NOLC1: variants seen among roughly 807,000 people sequenced by gnomAD.
NOLC1 encodes 140 kDa nucleolar phosphoprotein.
Under a neutral mutation model 73.4 loss-of-function variants are expected in NOLC1, and 37 were observed. The observed-to-expected ratio is 0.50, with a 90% confidence interval of 0.39 to 0.66. The LOEUF (loss-of-function observed/expected upper bound fraction) is 0.66. Among genes scored for constraint, NOLC1 ranks in the 30% least tolerant of loss-of-function variants. The probability of loss-of-function intolerance (pLI) is 0.00; values close to 1 mark genes in which losing one functional copy is unlikely to be tolerated. For synonymous variants in NOLC1, 327 were observed against 302.6 expected, an observed-to-expected ratio of 1.08 and a Z score of -0.84; for missense variants, 921 against 838.9, an observed-to-expected ratio of 1.10 and a Z score of -1.21.
At chr10:102,156,991 T>G (rs1450896654) in intron 1 of NOLC1, 28 bp from the exon 2 acceptor site, 2 of 1,609,912 alleles carry the variant, frequency 1.2e-6, no homozygotes, top group Non-Finnish European at 1.7e-6. Context: ...TAAAATAATT[T>G]CCTTACCCAG....
At position 102,160,691 on chromosome 10, in the gene NOLC1, C is replaced by G. The variant is rs2069690557; in HGVS notation, c.1339C>G (p.Pro447Ala). Reference protein sequence around the residue: ...KTKKMVATTKPKATAKAALSL... With the variant: ...KTKKMVATTKAKATAKAALSL... The stretch of plus-strand genomic sequence containing the variant: ...AAAGAAGATGGTGGCCACCACTAAG[C>G]CCAAGGCGACTGCCAAAGCAGCTCT... The change falls in exon 10 of 13, where the codon CCC (proline) becomes GCC (alanine). Residue 447 changes from proline to alanine, a missense_variant. Transcript: ENST00000605788. 6.2e-7 allele frequency: 1 copy of G among 1,613,894 alleles called. No homozygotes were observed. The highest frequency in any genetic ancestry group is 1.1e-5 in the South Asian group (1 of 91,084).
At chr10:102,157,600 A>G (rs749193713) in intron 4 of NOLC1, 45 bp downstream of exon 4, 20 of 1,589,968 alleles carry the variant, frequency 1.3e-5, no homozygotes, top group Non-Finnish European at 1.5e-5. Flanking sequence ...ATTAGAAAGG[A>G]AGAAACCTAA....
In NOLC1 at chr10:102,159,434, CTG is replaced by C; in HGVS notation, c.727_728del (p.Val243ThrfsTer2). 5 of 1,614,162 alleles carry C rather than the reference CTG, an allele frequency of 3.1e-6. No homozygotes were observed. Among genetic ancestry groups the C allele is most frequent in the Non-Finnish European group, 4.2e-6 (5 of 1,180,028 alleles). ...TAATCAATTTTCTTTCTAATGCAGA[CTG>C]TACCTAAAAAGCAAGTTGTGGCCAA... is the stretch of plus-strand genomic sequence containing the variant. On this transcript the variant is annotated frameshift_variant and splice_region_variant, in exon 7 of 13. Coordinates refer to ENST00000605788, the MANE Select transcript of NOLC1 (RefSeq NM_004741.5). LOFTEE classifies it high-confidence loss of function.
intron 1 of NOLC1, among the ~76,000 whole-genome samples, chr10:102,153,544 G>T (rs1008375967): frequency 6.6e-6 from 1 of 152,216 alleles, no homozygotes; most frequent in African/African-American, 2.4e-5. Flanking sequence ...ACTTCCTTAA[G>T]CTGGGACAGG....
rs2069750671 is a variant in NOLC1, at chr10:102,163,783, C to T, written c.*1514C>T. Reference sequence around the variant, plus strand: ...TAACTGCCTCTAGGAAGAAAATGTACTGTTCATGCTGACACAGATATTTCA... The same window carrying T: ...TAACTGCCTCTAGGAAGAAAATGTATTGTTCATGCTGACACAGATATTTCA... On this transcript the variant is annotated 3_prime_UTR_variant, in exon 13 of 13. Coordinates refer to ENST00000605788, the MANE Select transcript of NOLC1 (RefSeq NM_004741.5). 6.6e-6 allele frequency: 1 copy of T among 152,194 alleles called. No homozygotes were observed. The highest frequency in any genetic ancestry group is 2.1e-4 in the South Asian group (1 of 4,834). 9.4% of individuals were successfully genotyped at this position (152,194 alleles called of 1,614,324 possible).
intron 5 of NOLC1, among the ~76,000 whole-genome samples, 176 bp downstream of exon 5, chr10:102,158,390 C>A (rs1441139519): frequency 3.3e-5 from 5 of 151,460 alleles, no homozygotes; most frequent in Non-Finnish European, 7.4e-5. Context: ...TTCATAGGAG[C>A]TAGTAAATAG....
In NOLC1 at chr10:102,157,681, CTGGG is replaced by C. The variant is rs2069622593; in HGVS notation, c.441+127_441+130del. 9.3e-6 allele frequency: 11 copies of C among 1,176,892 alleles called. No individual in the cohort carries two copies. In the Admixed American group the frequency reaches 2.0e-4, roughly 21 times the overall value. 72.9% of individuals were successfully genotyped at this position (1,176,892 alleles called of 1,614,324 possible). On this transcript the variant is annotated intron_variant, in intron 4 of 12. Transcript: ENST00000605788. ...AATAGGTGATTATGAGGAAGAAAATCTGGGGATTTTCAGGGAGCTGATAAAAGTA... is the reference window on the plus strand; with the variant it reads ...AATAGGTGATTATGAGGAAGAAAATCGATTTTCAGGGAGCTGATAAAAGTA...
At chr10:102,161,726 T>A in intron 11 of NOLC1, 64 bp downstream of exon 11, 1 of 1,545,096 alleles carries the variant, frequency 6.5e-7, no homozygotes, top group South Asian at 1.1e-5. Flanking sequence ...TAGGATCATC[T>A]TGACAGCTCT....
In NOLC1 at chr10:102,160,702, T is replaced by G; in HGVS notation, c.1350T>G (p.Thr450=). ...KMVATTKPKA[T]AKAALSLPAK... is the part of the protein sequence containing the mutation. ...TGGCCACCACTAAGCCCAAGGCGACTGCCAAAGCAGCTCTATCTCTGCCTG... is the reference window on the plus strand; with the variant it reads ...TGGCCACCACTAAGCCCAAGGCGACGGCCAAAGCAGCTCTATCTCTGCCTG... Residue 450 remains threonine (T), a synonymous_variant, in exon 10 of 13, where the codon ACT becomes ACG. Coordinates refer to ENST00000605788, the MANE Select transcript of NOLC1 (RefSeq NM_004741.5). The G allele has an allele frequency of 6.2e-7, 1 of 1,614,036 alleles. No individual in the cohort carries two copies.
chr10:102,157,525 TGAG>T lies in NOLC1; in HGVS notation c.417_419del (p.Glu139del). 6.2e-7 allele frequency: 1 copy of T among 1,613,960 alleles called. No homozygotes were observed. Among genetic ancestry groups the T allele is most frequent in the Non-Finnish European group, 8.5e-7 (1 of 1,179,994 alleles). ...GTGAAGAGTCCAGTGATGATGATGA[TGAG>T]GAGGACCAAAAGAAACAGCCTGTCC... On this transcript the variant is annotated inframe_deletion, in exon 4 of 13. Coordinates refer to ENST00000605788, the MANE Select transcript of NOLC1 (RefSeq NM_004741.5).
At position 102,161,105 on chromosome 10, in the gene NOLC1, A is replaced by G. The variant is rs202023394; in HGVS notation, c.1741+12A>G. 38 of 1,589,382 alleles carry G rather than the reference A, an allele frequency of 2.4e-5. No individual in the cohort carries two copies. Among genetic ancestry groups the G allele is most frequent in the South Asian group, 1.5e-4 (13 of 88,534 alleles). ...AGTTTCCAAATCAGGTCTGTACCCA[A>G]TGAACATGCCCTCTGGGTTTTGTCC... On this transcript the variant is annotated intron_variant, in intron 10 of 12. Coordinates refer to ENST00000605788, the MANE Select transcript of NOLC1 (RefSeq NM_004741.5).
At chr10:102,161,783 A>G in intron 11 of NOLC1, 50 bp from the exon 12 acceptor site, 1 of 1,575,120 alleles carries the variant, frequency 6.3e-7, no homozygotes, top group Non-Finnish European at 8.7e-7. Context: ...ACTCAGGAGA[A>G]CTGTTACATG....
At chr10:102,154,069 A>ATTT (rs58538934) in intron 1 of NOLC1, among the ~76,000 whole-genome samples, 3 of 116,440 alleles carry the variant, frequency 2.6e-5, no homozygotes, top group East Asian at 2.8e-4. Flanking sequence ...CATGCATTTA[A>ATTT]TTTTTTTTTT....
In NOLC1 at chr10:102,159,939, G is replaced by A; in HGVS notation, c.903G>A (p.Lys301=). ...SVPPPSAPPP[K]KSLGTQPPKK... ...CCCCGCCTTCTGCTCCCCCACCAAA[G>A]AAGTCTCTGGGAACCCAGCCTCCCA... Residue 301 remains lysine, a synonymous_variant, in exon 8 of 13, where the codon AAG becomes AAA. Transcript: ENST00000605788. 6.2e-7 allele frequency: 1 copy of A among 1,609,548 alleles called. No homozygotes were observed. The highest frequency in any genetic ancestry group is 8.5e-7 in the Non-Finnish European group (1 of 1,177,920).
At position 102,155,505 on chromosome 10, in the gene NOLC1, C is replaced by T. The variant is rs558176154; in HGVS notation, c.121-1514C>T. On this transcript the variant is annotated intron_variant, in intron 1 of 12. Transcript: ENST00000605788. ...GCCAAAGTGTTAGCGTACCTGCGCC[C>T]GGCCTGAATGCATTTTTTTTTTTTT... is the stretch of plus-strand genomic sequence containing the variant. Among the ~76,000 whole-genome samples the T allele has an allele frequency of 6.6e-5, 10 of 150,506 alleles. No homozygotes were observed. The East Asian group carries it at 1.6e-3, about 24-fold the overall frequency.
In NOLC1 at chr10:102,163,365, T is replaced by C. The variant is rs1440467091; in HGVS notation, c.*1096T>C. The C allele has an allele frequency of 6.6e-6, 1 of 152,210 alleles. No individual in the cohort carries two copies. Among genetic ancestry groups the C allele is most frequent in the Non-Finnish European group, 1.5e-5 (1 of 68,044 alleles). 9.4% of individuals were successfully genotyped at this position (152,210 alleles called of 1,614,324 possible). On this transcript the variant is annotated 3_prime_UTR_variant, in exon 13 of 13. Coordinates refer to ENST00000605788, the MANE Select transcript of NOLC1 (RefSeq NM_004741.5). Reference sequence around the variant, plus strand: ...GGGTTGGAAAGAACCTTACAGAGCATATTACCTGATAAACTGGAGTGGGTT... The same window carrying C: ...GGGTTGGAAAGAACCTTACAGAGCACATTACCTGATAAACTGGAGTGGGTT...
At position 102,152,468 on chromosome 10, in the gene NOLC1, G is replaced by C. The variant is rs1390845820; in HGVS notation, c.58G>C (p.Gly20Arg). Residue 20 changes from glycine to arginine, a missense_variant, in exon 1 of 13, where the codon GGC (glycine) becomes CGC (arginine). Coordinates refer to ENST00000605788, the MANE Select transcript of NOLC1 (RefSeq NM_004741.5). Reference protein sequence around the residue: ...VPSDLYPLVLGFLRDNQLSEV... With the variant: ...VPSDLYPLVLRFLRDNQLSEV... ...CAGCGACCTGTATCCCCTCGTGCTC[G>C]GCTTCCTGCGCGATAACCAACTCTC... The C allele has an allele frequency of 6.2e-7, 1 of 1,613,600 alleles. No homozygotes were observed. The highest frequency in any genetic ancestry group is 1.1e-5 in the South Asian group (1 of 91,088).
intron 5 of NOLC1, among the ~76,000 whole-genome samples, chr10:102,158,759 G>A (rs1335923042): frequency 1.3e-5 from 2 of 152,114 alleles, no homozygotes; most frequent in African/African-American, 4.8e-5. Flanking sequence ...GGTAAACCAT[G>A]GCTGGCATTC....
In NOLC1 at chr10:102,160,872, C is replaced by G. The variant is rs1419201020; in HGVS notation, c.1520C>G (p.Ala507Gly). ...GGAGGTGCAGCCCCTTCCAAGCCAG[C>G]CTCTGCAAAGAAAGGAAAGGCTGAG... is the stretch of plus-strand genomic sequence containing the variant. ...VAGGAAPSKP[A>G]SAKKGKAESS... The change falls in exon 10 of 13, where the codon GCC becomes GGC. Residue 507 changes from alanine (A) to glycine (G), a missense_variant. Physicochemically the swap from Ala to Gly is moderately conservative, Grantham distance 60. Coordinates refer to ENST00000605788, the MANE Select transcript of NOLC1 (RefSeq NM_004741.5). The G allele has an allele frequency of 6.2e-7, 1 of 1,613,970 alleles. No individual in the cohort carries two copies. The highest frequency in any genetic ancestry group is 8.5e-7 in the Non-Finnish European group (1 of 1,180,030).
Sources: allele counts gnomAD v4.1 joint callset (sites outside exome capture counted in the v4.1 genomes callset), GRCh38; gene constraint gnomAD v4.1.1; transcripts MANE v1.5; gene names NCBI Gene and HGNC (gene_info 2026-07-23, HGNC 2026-07-21).